The following NEBL variants were observed in gnomAD, a reference collection of about 807,000 sequenced individuals.
NEBL encodes nebulette, also known as LIM and SH3 protein 2.
Under a neutral mutation model 140.2 loss-of-function variants are expected in NEBL, and 122 were observed. That is an observed-to-expected ratio of 0.87 (90% CI 0.75 to 1.01). NEBL has a LOEUF of 1.01. NEBL is among the 50% of genes least tolerant of loss of function. NEBL has a pLI of 0.00. For missense variants in NEBL, 1,365 were observed against 1,231.3 expected, an observed-to-expected ratio of 1.11 and a Z score of -1.62; for synonymous variants, 436 against 398.9, an observed-to-expected ratio of 1.09 and a Z score of -1.11.
intron 12 of NEBL, among the ~76,000 whole-genome samples, chr10:20,842,122 A>C (rs1361004114): frequency 6.6e-6 from 1 of 152,078 alleles, no homozygotes; most frequent in Non-Finnish European, 1.5e-5. Context: ...AGTTAATTCT[A>C]GGGTTCATTT....
At chr10:21,044,410 A>AAAAG (rs1834414275) in intron 2 of NEBL, among the ~76,000 whole-genome samples, 2 of 147,356 alleles carry the variant, frequency 1.4e-5, no homozygotes, top group African/African-American at 2.5e-5. Context: ...AAAAAAAAAA[A>AAAAG]AAAAAAAAAA....
intron 11 of NEBL, among the ~76,000 whole-genome samples, chr10:20,846,013 A>T (rs1841902414): frequency 1.3e-5 from 2 of 152,148 alleles, no homozygotes; most frequent in African/African-American, 4.8e-5. Context: ...GAGAGTTCAC[A>T]ACAAGAAATG....
chr10:20,823,099 C>T, intron 19 of NEBL, 109 bp downstream of exon 19: 2 of 794,114 alleles, frequency 2.5e-6, no homozygotes, highest in East Asian at 5.5e-5. Flanking sequence ...AACCGATCCT[C>T]TCGCAATGAG....
At chr10:21,002,477 AT>A (rs1360021135) in intron 3 of NEBL, among the ~76,000 whole-genome samples, 3 of 152,214 alleles carry the variant, frequency 2.0e-5, no homozygotes, top group African/African-American at 7.2e-5. Context: ...TAAATTATAA[AT>A]CAACAGAAAA....
intron 2 of NEBL, among the ~76,000 whole-genome samples, chr10:21,171,105 C>T (rs761651494): frequency 3.9e-5 from 6 of 152,018 alleles, no homozygotes; most frequent in Non-Finnish European, 7.4e-5. Flanking sequence ...GGAGGCCGAG[C>T]GGGGCAGATC....
At chr10:21,085,773 C>T (rs554428267) in intron 2 of NEBL, among the ~76,000 whole-genome samples, 2 of 152,028 alleles carry the variant, frequency 1.3e-5, no homozygotes, top group African/African-American at 2.4e-5. Context: ...TATAAATGCA[C>T]AACTATGAAA....
At chr10:21,256,628 C>T (rs1298252305) in intron 1 of NEBL, among the ~76,000 whole-genome samples, 1 of 152,072 alleles carries the variant, frequency 6.6e-6, no homozygotes, top group Non-Finnish European at 1.5e-5. Flanking sequence ...GCCAGGAGTT[C>T]GAGACCAGCC....
At chr10:21,051,340 T>C (rs1247263263) in intron 2 of NEBL, among the ~76,000 whole-genome samples, 1 of 152,188 alleles carries the variant, frequency 6.6e-6, no homozygotes, top group African/African-American at 2.4e-5. Flanking sequence ...ACACAATGTG[T>C]AGAGATGTAA....
chr10:20,896,799 G>A (rs577878504), intron 2 of NEBL, among the ~76,000 whole-genome samples, 159 bp downstream of exon 2: 1 of 151,986 alleles, frequency 6.6e-6, no homozygotes, highest in East Asian at 1.9e-4. Context: ...GTGACCTTGG[G>A]GAAATCACTG....
At chr10:21,002,995 T>C (rs11595730) in intron 3 of NEBL, among the ~76,000 whole-genome samples, 60,289 of 137,138 alleles carry the variant, frequency 0.44, 13,620 homozygotes, top group Non-Finnish European at 0.52. Flanking sequence ...GGTATTTTCA[T>C]TATGTGGCTT....
intron 12 of NEBL, among the ~76,000 whole-genome samples, chr10:20,843,752 T>C (rs1407120146): frequency 6.6e-6 from 1 of 152,154 alleles, no homozygotes; most frequent in African/African-American, 2.4e-5. Flanking sequence ...TTTTAATATG[T>C]GTACACAACA....
At chr10:20,814,331 C>T (rs1309475322) in intron 22 of NEBL, among the ~76,000 whole-genome samples, 1 of 151,886 alleles carries the variant, frequency 6.6e-6, no homozygotes, top group Non-Finnish European at 1.5e-5. Flanking sequence ...CCCGAGGACT[C>T]GTATCTGTAA....
In NEBL at chr10:20,816,922, T is replaced by C. The variant is rs375913174; in HGVS notation, c.2148+678A>G. Reference sequence around the variant, plus strand: ...AGTCATGATTGTGGGAAGTGGAAAGTGGGGCTCGGAGGAAGCGCAAGAACA... The same window carrying C: ...AGTCATGATTGTGGGAAGTGGAAAGCGGGGCTCGGAGGAAGCGCAAGAACA... On this transcript the variant is annotated intron_variant, in intron 21 of 27. Coordinates refer to ENST00000377122, the MANE Select transcript of NEBL (RefSeq NM_006393.3). 2.1e-4 allele frequency among the ~76,000 whole-genome samples: 32 copies of C among 152,126 alleles called. No homozygotes were observed. In the East Asian group the frequency reaches 6.2e-3, roughly 29 times the overall value.
intron 25 of NEBL, among the ~76,000 whole-genome samples, chr10:20,809,413 T>G (rs1837912267): frequency 6.6e-6 from 1 of 152,210 alleles, no homozygotes; most frequent in South Asian, 2.1e-4. Flanking sequence ...TATGATGCCC[T>G]GTAAAAAACC....
intron 7 of NEBL, among the ~76,000 whole-genome samples, chr10:20,864,849 ATTAT>A (rs1403724437): frequency 6.6e-6 from 1 of 152,172 alleles, no homozygotes; most frequent in African/African-American, 2.4e-5. Context: ...CAGAATTCCT[ATTAT>A]TTATTTTCCC....
At chr10:20,889,663 A>G (rs188475304) in intron 3 of NEBL, among the ~76,000 whole-genome samples, 182 bp downstream of exon 3, 1 of 152,350 alleles carries the variant, frequency 6.6e-6, no homozygotes, top group Non-Finnish European at 1.5e-5. Context: ...CATACATAGT[A>G]AAATCTGTCA....
chr10:20,801,492 T>C (rs1420414100), intron 26 of NEBL, among the ~76,000 whole-genome samples: 2 of 152,132 alleles, frequency 1.3e-5, no homozygotes, highest in African/African-American at 4.8e-5. Context: ...TTACCATACC[T>C]GGCCTCTACT....
At chr10:20,895,162 C>T (rs1847369308) in intron 2 of NEBL, among the ~76,000 whole-genome samples, 1 of 152,048 alleles carries the variant, frequency 6.6e-6, no homozygotes, top group African/African-American at 2.4e-5. Flanking sequence ...CAAAACAACT[C>T]CAACCAAATC....
At chr10:21,017,262 C>T (rs1435889128) in intron 3 of NEBL, among the ~76,000 whole-genome samples, 1 of 152,182 alleles carries the variant, frequency 6.6e-6, no homozygotes, top group African/African-American at 2.4e-5. Context: ...CCTTGGAATA[C>T]AGCAACACTG....
Sources: gnomAD v4.1 joint callset for allele counts (sites outside exome capture counted in the v4.1 genomes callset) on GRCh38, gnomAD v4.1.1 for gene constraint, MANE v1.5 for transcripts, NCBI Gene and HGNC (gene_info 2026-07-23, HGNC 2026-07-21) for gene names.